Variants in ZC3H18 observed in about 807,000 individuals in gnomAD.
The protein encoded by ZC3H18 is zinc finger CCCH-type containing 18, also known as zinc finger CCCH domain-containing protein 18.
Under a neutral mutation model 106.1 loss-of-function variants are expected in ZC3H18, and 8 were observed. The observed-to-expected ratio is 0.08, with a 90% CI of 0.04 to 0.14. The LOEUF (loss-of-function observed/expected upper bound fraction) is 0.14. Ranked by LOEUF, ZC3H18 falls within the 10% of genes least tolerant of loss-of-function variation. The pLI is 1.00. For synonymous variants in ZC3H18, 635 were observed against 522.1 expected (o/e 1.22, Z -2.95); for missense variants, 1,318 against 1,278.4 (o/e 1.03, Z -0.47).
At chr16:88,580,756 A>C (rs1915077613) in intron 2 of ZC3H18, among the ~76,000 whole-genome samples, 1 of 152,150 alleles carries the variant, frequency 6.6e-6, no homozygotes. Context: ...GCTTCCCACC[A>C]GGCCTTTCGC....
At position 88,624,054 on chromosome 16, in the gene ZC3H18, G is replaced by A. The variant is rs1310899987; in HGVS notation, c.1890G>A (p.Gly630=). 2.5e-6 allele frequency: 4 copies of A among 1,598,296 alleles called. No homozygotes were observed. The South Asian group carries it at 4.5e-5, about 18-fold the overall frequency. The change falls in exon 11 of 18, where the codon GGG becomes GGA. Residue 630 remains glycine, a synonymous_variant. Coordinates refer to ENST00000301011, the MANE Select transcript of ZC3H18 (RefSeq NM_144604.4). ...AGGGAGAGCCGGCCCCGCCGCCCGGGAAAGCAGGGTGAGTGCCCAGCCTGT... is the reference window on the plus strand; with the variant it reads ...AGGGAGAGCCGGCCCCGCCGCCCGGAAAAGCAGGGTGAGTGCCCAGCCTGT... ...RTKGEPAPPP[G]KAGEKSVKKP... is the part of the protein sequence containing the mutation.
At chr16:88,620,320 G>A (rs558144780) in intron 8 of ZC3H18, among the ~76,000 whole-genome samples, 1 of 152,294 alleles carries the variant, frequency 6.6e-6, no homozygotes, top group Non-Finnish European at 1.5e-5. Context: ...CAGGCATGGC[G>A]GCTCAAGCTT....
chr16:88,603,788 AAT>A (rs1491560178), intron 6 of ZC3H18, among the ~76,000 whole-genome samples: 1 of 47,480 alleles, frequency 2.1e-5, no homozygotes, highest in Non-Finnish European at 4.6e-5. Flanking sequence ...ATGCCCGGCT[AAT>A]TTTTTTTTTT....
At chr16:88,576,468 G>C (rs1347582327) in intron 1 of ZC3H18, among the ~76,000 whole-genome samples, 1 of 152,186 alleles carries the variant, frequency 6.6e-6, no homozygotes, top group Non-Finnish European at 1.5e-5. Flanking sequence ...CTGAGCGGGT[G>C]AACACAGCCC....
At chr16:88,610,081 C>G (rs1217351252) in intron 7 of ZC3H18, among the ~76,000 whole-genome samples, 1 of 152,088 alleles carries the variant, frequency 6.6e-6, no homozygotes, top group Non-Finnish European at 1.5e-5. Context: ...GCCTGCTGCA[C>G]CTCACTGCTC....
intron 2 of ZC3H18, among the ~76,000 whole-genome samples, chr16:88,579,193 T>C (rs745919669): frequency 6.6e-6 from 1 of 152,216 alleles, no homozygotes; most frequent in Non-Finnish European, 1.5e-5. Flanking sequence ...GTGTAGGAAG[T>C]GGTCTCCTCA....
chr16:88,622,409 G>A (rs569006455), intron 9 of ZC3H18, 21 bp downstream of exon 9: 23 of 1,582,470 alleles, frequency 1.5e-5, no homozygotes, highest in South Asian at 4.6e-5. Flanking sequence ...CTCGTGGGAC[G>A]GCTGGGGTGT....
At chr16:88,628,178 T>C in intron 15 of ZC3H18, 59 bp downstream of exon 15, 3 of 1,577,466 alleles carry the variant, frequency 1.9e-6, no homozygotes, top group South Asian at 1.1e-5. Context: ...TCCATCTGCT[T>C]CCTGAGACAG....
chr16:88,578,099 C>G (rs1186379321), intron 2 of ZC3H18, among the ~76,000 whole-genome samples: 1 of 152,208 alleles, frequency 6.6e-6, no homozygotes, highest in Non-Finnish European at 1.5e-5. Context: ...AACACTCAAC[C>G]AGAAACCACG....
Position 88,631,676 on chromosome 16 carries a change from C to A in ZC3H18, c.*377C>A. ...AGCCCGGGTCCAGGCAGCCAGGCTC[C>A]CTCCTGAGCTGAGAAACGGAACCTC... On this transcript the variant is annotated 3_prime_UTR_variant, in exon 18 of 18. Coordinates refer to ENST00000301011, the MANE Select transcript of ZC3H18 (RefSeq NM_144604.4). 2.1e-6 allele frequency: 1 copy of A among 465,626 alleles called. No individual in the cohort carries two copies. The highest frequency in any genetic ancestry group is 2.4e-5 in the Admixed American group (1 of 41,932). 28.8% of individuals were successfully genotyped at this position (465,626 alleles called of 1,614,324 possible).
chr16:88,599,478 C>G (rs1378585974), intron 5 of ZC3H18, among the ~76,000 whole-genome samples: 1 of 152,222 alleles, frequency 6.6e-6, no homozygotes, highest in Non-Finnish European at 1.5e-5. Flanking sequence ...GAGACTCCAG[C>G]CACTCCACCT....
chr16:88,598,814 C>A (rs762093213), intron 5 of ZC3H18, 102 bp downstream of exon 5: 8 of 1,063,776 alleles, frequency 7.5e-6, no homozygotes, highest in African/African-American at 1.6e-5. Flanking sequence ...CCCCAGAAAT[C>A]TCTGAAGTTA....
chr16:88,575,931 C>T (rs1914719514), intron 1 of ZC3H18, among the ~76,000 whole-genome samples: 1 of 152,210 alleles, frequency 6.6e-6, no homozygotes, highest in Non-Finnish European at 1.5e-5. Flanking sequence ...GACGGAGTCT[C>T]ACTCTGTCGC....
At chr16:88,622,483 C>A in intron 9 of ZC3H18, 95 bp downstream of exon 9, 1 of 1,370,892 alleles carries the variant, frequency 7.3e-7, no homozygotes, top group Non-Finnish European at 9.7e-7. Context: ...AACACCCCAG[C>A]CCCACTGTTT....
At chr16:88,571,016 C>A (rs1042049038) in intron 1 of ZC3H18, among the ~76,000 whole-genome samples, 1 of 152,200 alleles carries the variant, frequency 6.6e-6, no homozygotes, top group African/African-American at 2.4e-5. Context: ...GGAACTTGCT[C>A]CGCAGCTTCA....
Position 88,631,541 on chromosome 16 carries a change from G to T in ZC3H18, c.*242G>T. 1.6e-6 allele frequency: 1 copy of T among 624,688 alleles called. No individual in the cohort carries two copies. Among genetic ancestry groups the T allele is most frequent in the Non-Finnish European group, 2.9e-6 (1 of 340,064 alleles). The allele number at this position is 624,688 out of a possible 1,614,324, so 38.7% of individuals were successfully genotyped here. A position where few individuals can be genotyped will look rare whatever the true frequency, so the allele number is the denominator to read the frequency against. Reference sequence around the variant, plus strand: ...ACAGACAGCGCTAGTGACCAGCACGGTTCTCATGTAAATTACAAGCCCCAG... The same window carrying T: ...ACAGACAGCGCTAGTGACCAGCACGTTTCTCATGTAAATTACAAGCCCCAG... On this transcript the variant is annotated 3_prime_UTR_variant, in exon 18 of 18. Transcript: ENST00000301011.
At chr16:88,571,741 A>G (rs1407374540) in intron 1 of ZC3H18, 3 of 894,782 alleles carry the variant, frequency 3.4e-6, no homozygotes, top group African/African-American at 3.6e-5. Flanking sequence ...AGAGCATCTC[A>G]AGGTGAGTAC....
chr16:88,584,612 G>A (rs1002856425), intron 2 of ZC3H18, among the ~76,000 whole-genome samples: 2 of 152,200 alleles, frequency 1.3e-5, no homozygotes, highest in African/African-American at 4.8e-5. Flanking sequence ...CCTTGCGGGT[G>A]TAGAGGCTGG....
At position 88,598,576 on chromosome 16, in the gene ZC3H18, G is replaced by C. The variant is rs1227058536; in HGVS notation, c.838-44G>C. 7 of 1,568,290 alleles carry C rather than the reference G, an allele frequency of 4.5e-6. No individual in the cohort carries two copies. In the South Asian group the frequency reaches 4.6e-5, roughly 10 times the overall value. On this transcript the variant is annotated intron_variant, in intron 4 of 17. Coordinates refer to ENST00000301011, the MANE Select transcript of ZC3H18 (RefSeq NM_144604.4). ...TACTGTCTGGTTTCTCTGTACACTT[G>C]AAAGTTTTACTTTCTCACCTTCTCC...
Sources: allele counts gnomAD v4.1 joint callset (sites outside exome capture counted in the v4.1 genomes callset), GRCh38; gene constraint gnomAD v4.1.1; transcripts MANE v1.5; gene names NCBI Gene and HGNC (gene_info 2026-07-23, HGNC 2026-07-21).